Variants in NUBPL observed in about 807,000 individuals in gnomAD.
The protein encoded by NUBPL is NUBP iron-sulfur cluster assembly factor, mitochondrial, also known as iron-sulfur cluster transfer protein NUBPL.
Under a neutral mutation model 45.7 loss-of-function variants are expected in NUBPL, and 31 were observed. The observed-to-expected ratio is 0.68, with a 90% CI of 0.51 to 0.92. NUBPL has a LOEUF of 0.92. NUBPL is among the 40% of genes least tolerant of loss of function. NUBPL has a pLI of 0.00. For synonymous variants in NUBPL, 144 were observed against 140.9 expected, an observed-to-expected ratio of 1.02 and a Z score of -0.15; for missense variants, 401 against 398.7, an observed-to-expected ratio of 1.01 and a Z score of -0.05.
intron 8 of NUBPL, among the ~76,000 whole-genome samples, chr14:31,838,279 C>CAAAAAAGAAAA (rs2040314512): frequency 6.6e-5 from 4 of 60,266 alleles, no homozygotes; most frequent in Non-Finnish European, 1.1e-4. Flanking sequence ...TAATATCCAG[C>CAAAAAAGAAAA]AAAAAAAAAA....
intron 6 of NUBPL, among the ~76,000 whole-genome samples, chr14:31,678,639 T>C (rs967631009): frequency 2.0e-5 from 3 of 152,234 alleles, no homozygotes; most frequent in African/African-American, 7.2e-5. Context: ...CCTGTCCTAC[T>C]GTGGCTAAGC....
At chr14:31,666,622 A>G (rs973158801) in intron 4 of NUBPL, among the ~76,000 whole-genome samples, 1 of 152,096 alleles carries the variant, frequency 6.6e-6, no homozygotes, top group Admixed American at 6.6e-5. Flanking sequence ...TTTTCACATT[A>G]GTTGATGCGG....
intron 8 of NUBPL, among the ~76,000 whole-genome samples, chr14:31,843,411 GAAAAT>G (rs1176956918): frequency 1.3e-5 from 2 of 152,178 alleles, no homozygotes; most frequent in Non-Finnish European, 2.9e-5. Context: ...GTTTGTCTAA[GAAAAT>G]AAACACACAA....
At chr14:31,685,454 A>G (rs2036930952) in intron 6 of NUBPL, among the ~76,000 whole-genome samples, 1 of 152,112 alleles carries the variant, frequency 6.6e-6, no homozygotes, top group African/African-American at 2.4e-5. Context: ...GGTGAGGGAA[A>G]GGAAAGGAAA....
At chr14:31,568,155 G>C (rs2139454472) in intron 3 of NUBPL, among the ~76,000 whole-genome samples, 1 of 152,244 alleles carries the variant, frequency 6.6e-6, no homozygotes, top group South Asian at 2.1e-4. Flanking sequence ...CCTAGAAAAA[G>C]GACCCTGTCT....
intron 4 of NUBPL, among the ~76,000 whole-genome samples, chr14:31,641,498 A>C (rs763710187): frequency 3.3e-5 from 5 of 152,186 alleles, no homozygotes; most frequent in Non-Finnish European, 7.3e-5. Context: ...GTTATTGAAC[A>C]TGACAGGATT....
intron 4 of NUBPL, among the ~76,000 whole-genome samples, chr14:31,639,083 G>C (rs574935681): frequency 2.0e-5 from 3 of 152,108 alleles, no homozygotes; most frequent in Non-Finnish European, 4.4e-5. Flanking sequence ...TCTTCTCTCA[G>C]CTCGTCAAAG....
intron 3 of NUBPL, among the ~76,000 whole-genome samples, chr14:31,584,587 C>T (rs1161623878): frequency 6.6e-6 from 1 of 152,198 alleles, no homozygotes; most frequent in African/African-American, 2.4e-5. Flanking sequence ...AAACCCCATA[C>T]CCCTGAACTG....
At chr14:31,617,487 G>C (rs546350369) in intron 4 of NUBPL, among the ~76,000 whole-genome samples, 11 of 152,252 alleles carry the variant, frequency 7.2e-5, no homozygotes, top group South Asian at 2.1e-4. Flanking sequence ...TAGCAGGAAG[G>C]GGTGTTGAAT....
At chr14:31,760,615 C>T (rs2038786285) in intron 6 of NUBPL, among the ~76,000 whole-genome samples, 1 of 152,104 alleles carries the variant, frequency 6.6e-6, no homozygotes, top group South Asian at 2.1e-4. Flanking sequence ...ATAATACCTT[C>T]TAGATTCATC....
intron 4 of NUBPL, among the ~76,000 whole-genome samples, chr14:31,646,779 T>TA (rs1185900994): frequency 1.3e-5 from 2 of 152,000 alleles, no homozygotes; most frequent in Non-Finnish European, 2.9e-5. Context: ...TTTAATTTTT[T>TA]AAAAAAATAA....
At chr14:31,791,652 A>T (rs2039385006) in intron 7 of NUBPL, among the ~76,000 whole-genome samples, 1 of 151,974 alleles carries the variant, frequency 6.6e-6, no homozygotes, top group Admixed American at 6.6e-5. Context: ...GACATGTATG[A>T]CTGTAATCCA....
intron 6 of NUBPL, among the ~76,000 whole-genome samples, chr14:31,768,755 A>G (rs187201283): frequency 6.6e-6 from 1 of 152,346 alleles, no homozygotes; most frequent in Non-Finnish European, 1.5e-5. Flanking sequence ...TGAATTCAGA[A>G]GAACTTACCC....
chr14:31,704,684 CCTT>C (rs2037408741), intron 6 of NUBPL, among the ~76,000 whole-genome samples: 1 of 151,728 alleles, frequency 6.6e-6, no homozygotes, highest in Non-Finnish European at 1.5e-5. Context: ...AAAGTGTAAT[CCTT>C]CTCTCATTCT....
intron 7 of NUBPL, among the ~76,000 whole-genome samples, chr14:31,807,325 G>C (rs992794987): frequency 1.3e-5 from 2 of 151,930 alleles, no homozygotes; most frequent in Non-Finnish European, 2.9e-5. Flanking sequence ...TAACTGGTGT[G>C]AGGTGGTATC....
chr14:31,712,862 G>T (rs957835874), intron 6 of NUBPL, among the ~76,000 whole-genome samples: 2 of 152,194 alleles, frequency 1.3e-5, no homozygotes, highest in African/African-American at 4.8e-5. Flanking sequence ...AAAATTGGGG[G>T]TTTATTATAG....
chr14:31,568,160 C>A (rs2033487717), intron 3 of NUBPL, among the ~76,000 whole-genome samples: 2 of 152,104 alleles, frequency 1.3e-5, no homozygotes, highest in African/African-American at 4.8e-5. Flanking sequence ...AAAAAGGACC[C>A]TGTCTTCCTT....
chr14:31,749,946 A>T (rs1405743156), intron 6 of NUBPL, among the ~76,000 whole-genome samples: 2 of 152,030 alleles, frequency 1.3e-5, no homozygotes, highest in East Asian at 3.9e-4. Flanking sequence ...ACCTGTTTTC[A>T]AGTTCAGAAA....
intron 4 of NUBPL, among the ~76,000 whole-genome samples, chr14:31,643,140 C>G (rs1178002445): frequency 6.6e-6 from 1 of 151,988 alleles, no homozygotes; most frequent in East Asian, 1.9e-4. Flanking sequence ...TTTGTATATG[C>G]TTTATCTCTT....
Sources: gnomAD v4.1 joint callset for allele counts (sites outside exome capture counted in the v4.1 genomes callset) on GRCh38, gnomAD v4.1.1 for gene constraint, MANE v1.5 for transcripts, NCBI Gene and HGNC (gene_info 2026-07-23, HGNC 2026-07-21) for gene names.